Variants in SLC2A9 observed in about 807,000 individuals in gnomAD.
SLC2A9 encodes solute carrier family 2, facilitated glucose transporter member 9.
A neutral mutation model predicts 50.6 loss-of-function variants in SLC2A9; 39 were observed. The observed-to-expected ratio is 0.77, with a 90% CI of 0.60 to 1.01. SLC2A9 has a LOEUF of 1.01. Among genes scored for constraint, SLC2A9 ranks in the 50% least tolerant of loss-of-function variants. The pLI is 0.00. For synonymous variants in SLC2A9, 324 were observed against 276.9 expected (o/e 1.17, Z -1.69); for missense variants, 686 against 677.6 (o/e 1.01, Z -0.14).
intron 1 of SLC2A9, among the ~76,000 whole-genome samples, chr4:10,020,269 G>A (rs925542814): frequency 6.6e-6 from 1 of 152,078 alleles, no homozygotes; most frequent in Non-Finnish European, 1.5e-5. Context: ...TTGGGGCTTT[G>A]AGCCAAGTGA....
intron 11 of SLC2A9, 136 bp downstream of exon 11, chr4:9,834,745 T>C: frequency 7.1e-7 from 1 of 1,405,808 alleles, no homozygotes; most frequent in Non-Finnish European, 9.8e-7. Flanking sequence ...CAAAGCATAG[T>C]TTCTTCCTTC....
chr4:9,997,478 T>C (rs1560460976), intron 2 of SLC2A9, among the ~76,000 whole-genome samples: 1 of 152,098 alleles, frequency 6.6e-6, no homozygotes, highest in Non-Finnish European at 1.5e-5. Flanking sequence ...GATGGGTGGG[T>C]CACTTGAGGC....
In SLC2A9 at chr4:9,901,673, CCCCCCCACCAG is replaced by C. The variant is rs1346548481; in HGVS notation, c.1113+6551_1113+6561del. On this transcript the variant is annotated intron_variant, in intron 8 of 11. Transcript: ENST00000264784. ...TATTTGAATCCCCTCAAGCCCCATG[CCCCCCCACCAG>C]CCCCTTGGCCCCTCAAGCGGCAGCC... 2.8e-4 allele frequency among the ~76,000 whole-genome samples: 42 copies of C among 151,886 alleles called. 1 individual carries two copies.
intron 8 of SLC2A9, among the ~76,000 whole-genome samples, chr4:9,899,596 GAATAT>G (rs1333536717): frequency 6.6e-6 from 1 of 152,124 alleles, no homozygotes; most frequent in Non-Finnish European, 1.5e-5. Flanking sequence ...GTTAAAAACG[GAATAT>G]AATTCAATGA....
Position 9,953,812 on chromosome 4 carries a change from T to C in SLC2A9, c.682-11767A>G, listed in dbSNP as rs146540830. ...TAAATTTTGTTTGTTTGTTTGTTTGTTTGCTTGTTTGTTTGAGATGGAGTT... is the reference window on the plus strand; with the variant it reads ...TAAATTTTGTTTGTTTGTTTGTTTGCTTGCTTGTTTGTTTGAGATGGAGTT... On this transcript the variant is annotated intron_variant, in intron 5 of 11. Coordinates refer to ENST00000264784, the MANE Select transcript of SLC2A9 (RefSeq NM_020041.3). Among the ~76,000 whole-genome samples the C allele has an allele frequency of 3.5e-3, 535 of 152,078 alleles. 4 individuals are homozygous for C. Among genetic ancestry groups the C allele is most frequent in the African/African-American group, 0.012 (485 of 41,446 alleles).
chr4:9,964,788 A>T (rs1263408838), intron 5 of SLC2A9, among the ~76,000 whole-genome samples: 1 of 152,160 alleles, frequency 6.6e-6, no homozygotes, highest in East Asian at 1.9e-4. Flanking sequence ...GTTTTGCTCA[A>T]ATTCCTATAC....
At chr4:9,849,060 A>T (rs1036831714) in intron 10 of SLC2A9, among the ~76,000 whole-genome samples, 3 of 152,076 alleles carry the variant, frequency 2.0e-5, no homozygotes, top group Non-Finnish European at 2.9e-5. Flanking sequence ...GTTCAGTGAG[A>T]GCCTGGGCTG....
intron 3 of SLC2A9, among the ~76,000 whole-genome samples, chr4:9,792,145 G>A (rs977973414): frequency 4.1e-5 from 5 of 123,334 alleles, no homozygotes; most frequent in Non-Finnish European, 8.8e-5. Context: ...ACCAGGAGAT[G>A]TTTTCTATTC....
intron 1 of SLC2A9, chr4:10,034,750 C>G (rs920038862): frequency 6.6e-6 from 1 of 152,234 alleles, no homozygotes; most frequent in Non-Finnish European, 1.5e-5. Flanking sequence ...TAGAACAGCA[C>G]CTGGCACTAG....
intron 6 of SLC2A9, among the ~76,000 whole-genome samples, chr4:9,941,486 C>A (rs1748119979): frequency 6.6e-6 from 1 of 152,130 alleles, no homozygotes; most frequent in African/African-American, 2.4e-5. Flanking sequence ...TGCATCTTTT[C>A]CTCTCCTGGC....
chr4:9,876,785 G>T (rs1216571117), intron 10 of SLC2A9, among the ~76,000 whole-genome samples: 1 of 152,192 alleles, frequency 6.6e-6, no homozygotes, highest in Non-Finnish European at 1.5e-5. Context: ...TGGAGTCTGA[G>T]TCTTTGTTTC....
rs554576819 is a variant in SLC2A9, at chr4:9,836,863, C to A, written c.1292-1855G>T. Among the ~76,000 whole-genome samples the A allele has an allele frequency of 1.3e-3, 201 of 152,264 alleles. 2 individuals are homozygous for A. Among genetic ancestry groups the A allele is most frequent in the Admixed American group, 4.1e-3 (63 of 15,298 alleles). ...CGGCAGGTGAGATGAAAGGAAGGGT[C>A]TGAATTTGGAGACAATTGCTCCATT... On this transcript the variant is annotated intron_variant, in intron 10 of 11. Transcript: ENST00000264784.
At chr4:9,928,829 CAT>C (rs1745379127) in intron 6 of SLC2A9, among the ~76,000 whole-genome samples, 2 of 152,182 alleles carry the variant, frequency 1.3e-5, no homozygotes, top group South Asian at 2.1e-4. Flanking sequence ...TCTGTTTAAA[CAT>C]ATTCCGAATG....
chr4:9,835,896 G>A (rs1009823489), intron 10 of SLC2A9, among the ~76,000 whole-genome samples: 2 of 152,000 alleles, frequency 1.3e-5, no homozygotes, highest in African/African-American at 4.8e-5. Context: ...AGACCAGCCT[G>A]ACTAACATGG....
intron 11 of SLC2A9, among the ~76,000 whole-genome samples, chr4:9,829,595 A>G (rs1256254754): frequency 2.0e-5 from 3 of 152,186 alleles, no homozygotes; most frequent in Non-Finnish European, 2.9e-5. Flanking sequence ...ACACAATGAG[A>G]GAAAGTTTTT....
downstream of SLC2A9, among the ~76,000 whole-genome samples, chr4:9,778,131 G>A (rs185150196): frequency 1.3e-4 from 18 of 142,684 alleles, no homozygotes; most frequent in East Asian, 3.0e-3. Flanking sequence ...CGCCTCCCCC[G>A]AGTCTTGCTC....
At chr4:9,804,911 G>A (rs974239391) in intron 3 of SLC2A9, among the ~76,000 whole-genome samples, 1 of 152,156 alleles carries the variant, frequency 6.6e-6, no homozygotes, top group Non-Finnish European at 1.5e-5. Context: ...GGGCTAACAG[G>A]GGTGGGGACA....
chr4:9,965,965 T>C (rs1414090064), intron 5 of SLC2A9, among the ~76,000 whole-genome samples: 3 of 152,258 alleles, frequency 2.0e-5, no homozygotes, highest in African/African-American at 7.2e-5. Context: ...TGAGGTCTTT[T>C]AATACTTTGA....
chr4:9,819,398 G>T (rs1490896851), intron 3 of SLC2A9, among the ~76,000 whole-genome samples: 3 of 152,158 alleles, frequency 2.0e-5, no homozygotes, highest in African/African-American at 2.4e-5. Flanking sequence ...ATATCTCATT[G>T]TAATTTTAAT....
Sources: allele counts gnomAD v4.1 joint callset (sites outside exome capture counted in the v4.1 genomes callset), GRCh38; gene constraint gnomAD v4.1.1; transcripts MANE v1.5; gene names NCBI Gene and HGNC (gene_info 2026-07-23, HGNC 2026-07-21).